Variants in MAB21L3 observed in about 807,000 individuals in gnomAD.
The protein encoded by MAB21L3 is protein mab-21-like 3.
Under a neutral mutation model 37.7 loss-of-function variants are expected in MAB21L3, and 36 were observed. That is an observed-to-expected ratio of 0.96 (90% CI 0.73 to 1.26). The LOEUF (loss-of-function observed/expected upper bound fraction) is 1.26, where lower values mean the gene tolerates loss of function less well. Ranked by LOEUF, MAB21L3 falls within the 50% of genes most tolerant of loss-of-function variation. The pLI is 0.00. For missense variants in MAB21L3, 430 were observed against 447.3 expected (o/e 0.96, Z 0.35); for synonymous variants, 186 against 176.8 (o/e 1.05, Z -0.41).
At chr1:116,131,052 T>G (rs748231364) in intron 7 of MAB21L3, among the ~76,000 whole-genome samples, 6 of 152,224 alleles carry the variant, frequency 3.9e-5, no homozygotes, top group Non-Finnish European at 8.8e-5. Flanking sequence ...ATTCAATAAA[T>G]GTTTATTAAC....
intron 7 of MAB21L3, among the ~76,000 whole-genome samples, chr1:116,131,714 C>T (rs1343128252): frequency 1.3e-5 from 2 of 152,054 alleles, no homozygotes; most frequent in Admixed American, 6.6e-5. Flanking sequence ...TGGGGTTTCA[C>T]CGTGTTAGCC....
chr1:116,136,578 C>A lies in MAB21L3; in HGVS notation c.*3213C>A, dbSNP rs1160569177. Among the ~76,000 whole-genome samples the A allele has an allele frequency of 6.6e-6, 1 of 152,090 alleles. No individual in the cohort carries two copies. Among genetic ancestry groups the A allele is most frequent in the East Asian group, 1.9e-4 (1 of 5,188 alleles). On this transcript the variant is annotated 3_prime_UTR_variant, in exon 8 of 8. Coordinates refer to ENST00000369500, the MANE Select transcript of MAB21L3 (RefSeq NM_152367.3). ...GGTAATTTACAGATTCAATGCCATCCCCATCAAGCTACCAATGACTTTCTT... is the reference window on the plus strand; with the variant it reads ...GGTAATTTACAGATTCAATGCCATCACCATCAAGCTACCAATGACTTTCTT...
At chr1:116,127,407 A>G in intron 5 of MAB21L3, 59 bp from the exon 6 acceptor site, 1 of 1,530,650 alleles carries the variant, frequency 6.5e-7, no homozygotes, top group South Asian at 1.3e-5. Context: ...TTCTTGTTTG[A>G]ACGCTTGTAA....
chr1:116,120,331 C>T (rs1659705005), intron 3 of MAB21L3, among the ~76,000 whole-genome samples: 1 of 151,666 alleles, frequency 6.6e-6, no homozygotes, highest in African/African-American at 2.4e-5. Context: ...AAATAGCTGC[C>T]CCTTTATTCT....
intron 3 of MAB21L3, among the ~76,000 whole-genome samples, chr1:116,116,776 G>A (rs1003553776): frequency 6.6e-6 from 1 of 152,120 alleles, no homozygotes; most frequent in African/African-American, 2.4e-5. Flanking sequence ...AAGTGATGGA[G>A]GAAGAAAATT....
intron 3 of MAB21L3, among the ~76,000 whole-genome samples, chr1:116,114,642 T>C (rs981789901): frequency 3.3e-5 from 5 of 152,220 alleles, no homozygotes; most frequent in Non-Finnish European, 7.3e-5. Flanking sequence ...AGATGTGGCC[T>C]GCTAAATGAA....
In MAB21L3 at chr1:116,112,481, A is replaced by T; in HGVS notation, c.-135A>T. The T allele has an allele frequency of 1.4e-6, 1 of 706,598 alleles. No homozygotes were observed. The highest frequency in any genetic ancestry group is 2.4e-6 in the Non-Finnish European group (1 of 412,826). The allele number at this position is 706,598 out of a possible 1,614,324, so 43.8% of individuals were successfully genotyped here. A position where few individuals can be genotyped will look rare whatever the true frequency, so the allele number is the denominator to read the frequency against. On this transcript the variant is annotated 5_prime_UTR_variant, in exon 3 of 8. Transcript: ENST00000369500. ...TCGGAAGGCAAGTCTCTGGTCCATT[A>T]CACACTTCCAGAAAAACTTAGTACC... is the stretch of plus-strand genomic sequence containing the variant.
In MAB21L3 at chr1:116,135,827, C is replaced by T. The variant is rs1375673684; in HGVS notation, c.*2462C>T. On this transcript the variant is annotated 3_prime_UTR_variant, in exon 8 of 8. Transcript: ENST00000369500. The stretch of plus-strand genomic sequence containing the variant: ...TGGGATGCAAGGCTGGTTCAATATA[C>T]GCAAATCAATAAATGTAATCCAGCA... Among the ~76,000 whole-genome samples the T allele has an allele frequency of 1.8e-4, 27 of 150,242 alleles. No homozygotes were observed. The East Asian group carries it at 2.0e-3, about 11-fold the overall frequency.
At position 116,137,929 on chromosome 1, in the gene MAB21L3, C is replaced by T. The variant is rs1407937262; in HGVS notation, c.*4564C>T. Among the ~76,000 whole-genome samples the T allele has an allele frequency of 2.2e-5, 3 of 136,708 alleles. No individual in the cohort carries two copies. The Admixed American group carries it at 2.5e-4, about 11-fold the overall frequency. The allele number at this position is 136,708 out of a possible 152,430, so 89.7% of individuals were successfully genotyped here. A position where few individuals can be genotyped will look rare whatever the true frequency, so the allele number is the denominator to read the frequency against. On this transcript the variant is annotated 3_prime_UTR_variant, in exon 8 of 8. Transcript: ENST00000369500. Reference sequence around the variant, plus strand: ...ATAGGTGGGAATTGAACAATGAGAACACATGGACACATTAAGGGTAACATC... The same window carrying T: ...ATAGGTGGGAATTGAACAATGAGAATACATGGACACATTAAGGGTAACATC...
rs1659961232 is a variant in MAB21L3, at chr1:116,128,070, A to T, written c.661-75A>T. On this transcript the variant is annotated intron_variant, in intron 6 of 7. Transcript: ENST00000369500. ...GGTGACAAGTTCCCCAGACCAGCAG[A>T]CTGCTTCAGAAATGGCTTTCTACAC... 3.3e-5 allele frequency: 48 copies of T among 1,475,946 alleles called. 1 individual carries two copies. The South Asian group carries it at 6.2e-4, about 19-fold the overall frequency. The allele number at this position is 1,475,946 out of a possible 1,614,324, so 91.4% of individuals were successfully genotyped here.
chr1:116,117,393 T>C (rs1173042617), intron 3 of MAB21L3, among the ~76,000 whole-genome samples: 1 of 152,064 alleles, frequency 6.6e-6, no homozygotes, highest in African/African-American at 2.4e-5. Flanking sequence ...CTGCTCAGAC[T>C]TCAGGTCCCT....
chr1:116,127,163 C>T (rs1013044252), intron 5 of MAB21L3, among the ~76,000 whole-genome samples: 1 of 151,540 alleles, frequency 6.6e-6, no homozygotes, highest in African/African-American at 2.4e-5. Flanking sequence ...TGAAAAGAAT[C>T]TATTAATTTA....
chr1:116,112,268 G>A (rs767784045), intron 2 of MAB21L3, 139 bp from the exon 3 acceptor site: 3 of 229,246 alleles, frequency 1.3e-5, no homozygotes, highest in South Asian at 6.6e-5. Flanking sequence ...AAGTACTTGG[G>A]TGGGAAATAC....
At chr1:116,117,162 C>CATATATATATATATATATATAT (rs35799148) in intron 3 of MAB21L3, among the ~76,000 whole-genome samples, 9 of 114,548 alleles carry the variant, frequency 7.9e-5, no homozygotes, top group African/African-American at 2.4e-4. Context: ...AATATACATA[C>CATATATATATATATATATATAT]ATATATATAT....
chr1:116,125,539 T>C (rs1659883456), intron 5 of MAB21L3, among the ~76,000 whole-genome samples: 3 of 152,220 alleles, frequency 2.0e-5, no homozygotes, highest in Non-Finnish European at 4.4e-5. Flanking sequence ...GAAAAATGCA[T>C]GTGCTAAATA....
chr1:116,119,726 A>G (rs1010937275), intron 3 of MAB21L3, among the ~76,000 whole-genome samples: 2 of 152,180 alleles, frequency 1.3e-5, no homozygotes, highest in Admixed American at 6.5e-5. Flanking sequence ...CCATTTCAGA[A>G]AAAACTTGCA....
At chr1:116,124,890 T>C (rs60336139) in intron 5 of MAB21L3, among the ~76,000 whole-genome samples, 29,559 of 115,860 alleles carry the variant, frequency 0.26, 3,865 homozygotes, top group African/African-American at 0.57. Context: ...CACACACACA[T>C]ACACACACAC....
chr1:116,130,144 T>C (rs1038477784), intron 7 of MAB21L3, among the ~76,000 whole-genome samples: 3 of 152,244 alleles, frequency 2.0e-5, no homozygotes, highest in East Asian at 3.9e-4. Flanking sequence ...TCAATTAAGA[T>C]GGATGGAAAT....
At chr1:116,114,224 T>A (rs1227640930) in intron 3 of MAB21L3, among the ~76,000 whole-genome samples, 2 of 152,262 alleles carry the variant, frequency 1.3e-5, no homozygotes, top group Non-Finnish European at 2.9e-5. Context: ...TCATTCTTTA[T>A]AAGTTTCTGG....
Sources: allele counts gnomAD v4.1 joint callset (sites outside exome capture counted in the v4.1 genomes callset), GRCh38; gene constraint gnomAD v4.1.1; transcripts MANE v1.5; gene names NCBI Gene and HGNC (gene_info 2026-07-23, HGNC 2026-07-21).